The following CTNNA1 variants were observed in gnomAD, a reference collection of about 807,000 sequenced individuals.
CTNNA1 encodes catenin alpha-1.
Under a neutral mutation model 98.4 loss-of-function variants are expected in CTNNA1, and 37 were observed. The observed-to-expected ratio is 0.38, with a 90% CI of 0.29 to 0.49. CTNNA1 has a LOEUF of 0.49. CTNNA1 is among the 20% of genes least tolerant of loss of function. CTNNA1 has a pLI of 0.95. For synonymous variants in CTNNA1, 404 were observed against 413.2 expected, an observed-to-expected ratio of 0.98 and a Z score of 0.27; for missense variants, 761 against 1,147.2, an observed-to-expected ratio of 0.66 and a Z score of 4.86.
intron 7 of CTNNA1, among the ~76,000 whole-genome samples, chr5:138,860,515 G>GTTTTGTTTTGATACGGAGTCTTGCTCTA (rs1244385210): frequency 6.6e-6 from 1 of 151,924 alleles, no homozygotes; most frequent in African/African-American, 2.4e-5. Context: ...GTTTTGTTTT[G>GTTTTGTTTTGATACGGAGTCTTGCTCTA]TTTTGATACG....
intron 1 of CTNNA1, among the ~76,000 whole-genome samples, chr5:138,779,677 G>T (rs1439274755): frequency 6.6e-6 from 1 of 151,540 alleles, no homozygotes; most frequent in Admixed American, 6.6e-5. Context: ...GTATTTAATA[G>T]AAATAAATAC....
chr5:138,829,711 CAAT>C (rs1281990032), intron 7 of CTNNA1, among the ~76,000 whole-genome samples: 3 of 152,132 alleles, frequency 2.0e-5, no homozygotes, highest in African/African-American at 7.2e-5. Flanking sequence ...AAAACTGGAA[CAAT>C]GTGTGATGTG....
At chr5:138,887,719 A>G in intron 9 of CTNNA1, 77 bp downstream of exon 9, 1 of 1,297,984 alleles carries the variant, frequency 7.7e-7, no homozygotes, top group Admixed American at 2.3e-5. Context: ...TTATTTAATC[A>G]GTTAAAATTT....
intron 1 of CTNNA1, among the ~76,000 whole-genome samples, chr5:138,773,335 C>T (rs116681876): frequency 0.011 from 1,674 of 152,252 alleles, 27 homozygotes; most frequent in African/African-American, 0.038. Context: ...TCTGTCATGA[C>T]GGCATTTGAG....
intron 9 of CTNNA1, among the ~76,000 whole-genome samples, chr5:138,899,007 G>C (rs1278787946): frequency 2.0e-5 from 3 of 151,890 alleles, no homozygotes; most frequent in Non-Finnish European, 2.9e-5. Flanking sequence ...CTTTTTTCTT[G>C]AACTTCTATT....
rs149480198 is a variant in CTNNA1 at position 138,767,067 on chromosome 5, C to T, written c.-3+13557C>T. On this transcript the variant is annotated intron_variant, in intron 1 of 17. Coordinates refer to ENST00000302763, the MANE Select transcript of CTNNA1 (RefSeq NM_001903.5). ...TTTCTTTTTTTTGAGACAAGAGTCTCGCTCTGTCGTCCAGGCTGGAGTGCA... is the reference window on the plus strand; with the variant it reads ...TTTCTTTTTTTTGAGACAAGAGTCTTGCTCTGTCGTCCAGGCTGGAGTGCA... Among the ~76,000 whole-genome samples the T allele has an allele frequency of 3.2e-3, 486 of 152,046 alleles. 2 individuals carry two copies. The highest frequency in any genetic ancestry group is 8.9e-3 in the African/African-American group (370 of 41,460).
At chr5:138,883,803 T>A (rs1383803481) in intron 7 of CTNNA1, among the ~76,000 whole-genome samples, 5 of 152,236 alleles carry the variant, frequency 3.3e-5, no homozygotes, top group African/African-American at 1.2e-4. Context: ...TTGAGTATCT[T>A]AAGGAATATG....
Position 138,782,018 on chromosome 5 carries a change from CTT to C in CTNNA1, c.95_96del (p.Leu32ArgfsTer12). ...GGCAGTTGAGAGACTGTTGGAGCCT[CTT>C]GTTACACAGGTAAGAATCTGAAAAC... ...TLAVERLLEP[L>X]VTQVTTLVNT... On this transcript the variant is annotated frameshift_variant, in exon 2 of 18. Transcript: ENST00000302763. LOFTEE classifies it high-confidence loss of function. 1 of 1,609,060 alleles carries C rather than the reference CTT, an allele frequency of 6.2e-7. No homozygotes were observed.
At chr5:138,899,501 A>C (rs1757572151) in intron 9 of CTNNA1, among the ~76,000 whole-genome samples, 1 of 152,174 alleles carries the variant, frequency 6.6e-6, no homozygotes, top group African/African-American at 2.4e-5. Flanking sequence ...GCTTAGACTG[A>C]GAAATACCCT....
At chr5:138,884,068 G>T (rs1753512469) in intron 7 of CTNNA1, among the ~76,000 whole-genome samples, 1 of 152,206 alleles carries the variant, frequency 6.6e-6, no homozygotes, top group Non-Finnish European at 1.5e-5. Context: ...AGGTGGTTGG[G>T]TCATACCTTG....
At chr5:138,832,873 G>A (rs1231901651) in intron 7 of CTNNA1, among the ~76,000 whole-genome samples, 1 of 152,160 alleles carries the variant, frequency 6.6e-6, no homozygotes, top group Non-Finnish European at 1.5e-5. Context: ...GTGTTTTAAT[G>A]TTCTCTGAGT....
At chr5:138,838,982 T>G (rs1046306602) in intron 7 of CTNNA1, among the ~76,000 whole-genome samples, 1 of 152,086 alleles carries the variant, frequency 6.6e-6, no homozygotes. Context: ...TCCTCGAGTC[T>G]TCTTCTTTGA....
intron 8 of CTNNA1, 33 bp downstream of exon 8, chr5:138,886,325 A>G (rs371949351): frequency 4.5e-6 from 7 of 1,553,756 alleles, no homozygotes; most frequent in African/African-American, 1.4e-5. Flanking sequence ...TTGTTTTTCT[A>G]AGTTCTCAAT....
At chr5:138,931,539 A>G (rs1765326395) in intron 16 of CTNNA1, 1 of 954,468 alleles carries the variant, frequency 1.0e-6, no homozygotes, top group African/African-American at 1.8e-5. Flanking sequence ...TACACAAGCC[A>G]AAGATTGTAA....
rs1341905599 is a variant in CTNNA1, at chr5:138,930,665, C to A, written c.2192+11C>A. Reference sequence around the variant, plus strand: ...GACAGACTTTACCCGGTGAGCAGCACCCCGGCCCCACCAGGCTGCACAGGG... The same window carrying A: ...GACAGACTTTACCCGGTGAGCAGCAACCCGGCCCCACCAGGCTGCACAGGG... On this transcript the variant is annotated intron_variant, in intron 15 of 17. Transcript: ENST00000302763. 1 of 1,607,496 alleles carries A rather than the reference C, an allele frequency of 6.2e-7. No individual in the cohort carries two copies. The highest frequency in any genetic ancestry group is 8.5e-7 in the Non-Finnish European group (1 of 1,175,832).
intron 7 of CTNNA1, among the ~76,000 whole-genome samples, chr5:138,841,404 C>T (rs533053972): frequency 3.9e-5 from 6 of 152,118 alleles, no homozygotes; most frequent in South Asian, 2.1e-4. Context: ...GGATTACAGG[C>T]GCCCGCTACC....
chr5:138,801,432 GT>G (rs903914853), intron 3 of CTNNA1, among the ~76,000 whole-genome samples: 1 of 152,006 alleles, frequency 6.6e-6, no homozygotes, highest in African/African-American at 2.4e-5. Context: ...TACATGATGA[GT>G]TTTTTTCAAA....
intron 5 of CTNNA1, among the ~76,000 whole-genome samples, chr5:138,820,733 T>G (rs1275569919): frequency 2.1e-5 from 2 of 94,404 alleles, no homozygotes; most frequent in East Asian, 1.6e-3. Flanking sequence ...AGTCGTTGTT[T>G]TGGGTGTTGT....
rs1013756805 is a variant in CTNNA1 at position 138,909,404 on chromosome 5, G to C, written c.1389+4963G>C. On this transcript the variant is annotated intron_variant, in intron 10 of 17. Coordinates refer to ENST00000302763, the MANE Select transcript of CTNNA1 (RefSeq NM_001903.5). ...GACAGGTTTTCACTCTGTTACCCAG[G>C]CTAGAGTGCAGTGGTGCCATCATGA... 2.0e-5 allele frequency among the ~76,000 whole-genome samples: 3 copies of C among 149,956 alleles called. No individual in the cohort carries two copies. In the Admixed American group the frequency reaches 2.0e-4, roughly 10 times the overall value.
Sources: allele counts gnomAD v4.1 joint callset (sites outside exome capture counted in the v4.1 genomes callset), GRCh38; gene constraint gnomAD v4.1.1; transcripts MANE v1.5; gene names NCBI Gene and HGNC (gene_info 2026-07-23, HGNC 2026-07-21).